The following TMEM132D variants were observed in gnomAD, a reference collection of about 807,000 sequenced individuals.
TMEM132D encodes the protein mature OL transmembrane protein.
TMEM132D carries 21 observed loss-of-function variants against 62.3 expected under a neutral mutation model. The observed-to-expected ratio is 0.34, with a 90% CI of 0.24 to 0.49. TMEM132D has a LOEUF of 0.49. Among genes scored for constraint, TMEM132D ranks in the 20% least tolerant of loss-of-function variants. The pLI is 0.99. For synonymous variants in TMEM132D, 621 were observed against 575.6 expected, an observed-to-expected ratio of 1.08 and a Z score of -1.13; for missense variants, 1,346 against 1,402.8, an observed-to-expected ratio of 0.96 and a Z score of 0.65.
At chr12:129,168,091 T>G (rs7301151) in intron 5 of TMEM132D, among the ~76,000 whole-genome samples, 1 of 151,960 alleles carries the variant, frequency 6.6e-6, no homozygotes, top group African/African-American at 2.4e-5. Context: ...TCAGAGTTAA[T>G]AGAAGGAACA....
chr12:129,888,781 G>T (rs1349593943), intron 1 of TMEM132D, among the ~76,000 whole-genome samples: 2 of 152,116 alleles, frequency 1.3e-5, no homozygotes, highest in Admixed American at 1.3e-4. Context: ...CTTCTCTTTG[G>T]TAACAGTGTC....
At chr12:129,770,859 G>A (rs956068286) in intron 1 of TMEM132D, among the ~76,000 whole-genome samples, 4 of 152,210 alleles carry the variant, frequency 2.6e-5, no homozygotes, top group African/African-American at 7.2e-5. Context: ...GGTCTCTACC[G>A]AATGTGTACT....
intron 3 of TMEM132D, among the ~76,000 whole-genome samples, chr12:129,514,410 G>C (rs911480059): frequency 1.3e-5 from 2 of 152,140 alleles, no homozygotes; most frequent in African/African-American, 4.8e-5. Context: ...TCTAACTGTA[G>C]TGTTCCTACT....
At chr12:129,302,188 C>T (rs1881732191) in intron 4 of TMEM132D, among the ~76,000 whole-genome samples, 1 of 152,210 alleles carries the variant, frequency 6.6e-6, no homozygotes, top group Non-Finnish European at 1.5e-5. Context: ...GATCTCGGCT[C>T]ACTGCAACCT....
intron 1 of TMEM132D, among the ~76,000 whole-genome samples, chr12:129,787,684 T>C (rs1167054723): frequency 6.6e-6 from 1 of 152,050 alleles, no homozygotes; most frequent in African/African-American, 2.4e-5. Context: ...TCATATCAGC[T>C]CCCTCCCAAA....
At chr12:129,602,023 T>C (rs1446817605) in intron 2 of TMEM132D, among the ~76,000 whole-genome samples, 1 of 152,184 alleles carries the variant, frequency 6.6e-6, no homozygotes, top group Non-Finnish European at 1.5e-5. Context: ...ACTTTCATTA[T>C]CACTTGTTTT....
chr12:129,537,096 G>C (rs1593056477), intron 2 of TMEM132D, among the ~76,000 whole-genome samples: 1 of 148,420 alleles, frequency 6.7e-6, no homozygotes, highest in East Asian at 2.0e-4. Flanking sequence ...GGAGGCAGAG[G>C]TTGCGGTGAG....
chr12:129,692,859 G>C (rs1024561418), intron 2 of TMEM132D, among the ~76,000 whole-genome samples: 8 of 152,000 alleles, frequency 5.3e-5, no homozygotes, highest in Admixed American at 6.6e-5. Flanking sequence ...GGAGGGCAGT[G>C]GGGGGAGAGC....
chr12:129,193,175 AAAAG>A (rs1237928949), intron 5 of TMEM132D, among the ~76,000 whole-genome samples: 3 of 150,828 alleles, frequency 2.0e-5, no homozygotes, highest in Non-Finnish European at 4.4e-5. Flanking sequence ...AAAAAAAAAA[AAAAG>A]ATACAACAGC....
intron 3 of TMEM132D, among the ~76,000 whole-genome samples, chr12:129,461,959 C>T (rs1056366422): frequency 3.9e-5 from 6 of 152,188 alleles, no homozygotes; most frequent in Admixed American, 2.6e-4. Flanking sequence ...GATTGAAAAT[C>T]GTAGGGGATA....
intron 4 of TMEM132D, among the ~76,000 whole-genome samples, chr12:129,311,907 G>A (rs80084680): frequency 6.6e-6 from 1 of 152,162 alleles, no homozygotes; most frequent in Non-Finnish European, 1.5e-5. Flanking sequence ...CAGGCTTGTG[G>A]GGACCAGGAA....
At chr12:129,361,913 G>T (rs980190806) in intron 3 of TMEM132D, among the ~76,000 whole-genome samples, 2 of 152,164 alleles carry the variant, frequency 1.3e-5, no homozygotes, top group African/African-American at 4.8e-5. Context: ...AAAAGCTCAA[G>T]ATAAGCCTTT....
At chr12:129,788,335 G>A (rs772226117) in intron 1 of TMEM132D, among the ~76,000 whole-genome samples, 2 of 152,182 alleles carry the variant, frequency 1.3e-5, no homozygotes, top group Non-Finnish European at 2.9e-5. Flanking sequence ...TAGAAGCTTT[G>A]TGAGGGTAGG....
intron 3 of TMEM132D, among the ~76,000 whole-genome samples, chr12:129,502,698 A>C (rs1593040657): frequency 6.6e-6 from 1 of 152,310 alleles, no homozygotes; most frequent in East Asian, 1.9e-4. Context: ...TAGAAAAAAG[A>C]AACAGAAAGA....
chr12:129,531,014 C>T (rs1876202716), intron 3 of TMEM132D, 45 bp downstream of exon 3: 1 of 1,444,410 alleles, frequency 6.9e-7, no homozygotes, highest in South Asian at 1.4e-5. Flanking sequence ...AATCAGGCCA[C>T]ATTTGCAGCT....
At chr12:129,422,081 C>A (rs1231912143) in intron 3 of TMEM132D, among the ~76,000 whole-genome samples, 2 of 131,734 alleles carry the variant, frequency 1.5e-5, no homozygotes, top group African/African-American at 2.9e-5. Context: ...TGCAATTAAA[C>A]CATACAGCAA....
intron 1 of TMEM132D, among the ~76,000 whole-genome samples, chr12:129,725,853 T>A (rs1260182332): frequency 1.3e-5 from 2 of 152,232 alleles, no homozygotes; most frequent in Admixed American, 1.3e-4. Context: ...ACCTGGCTGG[T>A]AAGTGGTTTT....
intron 1 of TMEM132D, among the ~76,000 whole-genome samples, chr12:129,778,114 CAAAAAAAAA>C (rs35384142): frequency 4.7e-5 from 4 of 85,364 alleles, no homozygotes; most frequent in Non-Finnish European, 8.6e-5. Context: ...GACCCTGTCT[CAAAAAAAAA>C]AAAAAAAAAA....
chr12:129,779,931 C>T lies in TMEM132D; in HGVS notation c.80-79233G>A, dbSNP rs1871067549. On this transcript the variant is annotated intron_variant, in intron 1 of 8. Coordinates refer to ENST00000422113, the MANE Select transcript of TMEM132D (RefSeq NM_133448.3). The surrounding 1 kb of genome is among the most constrained non-coding windows in gnomAD (Gnocchi z 4.1). ...GCTTTTACGCATTGACTCCAGAAAT[C>T]CTTACAACCATCCTCCGAGAAAGCA... Among the ~76,000 whole-genome samples the T allele has an allele frequency of 6.6e-6, 1 of 152,054 alleles. No individual in the cohort carries two copies. Among genetic ancestry groups the T allele is most frequent in the Admixed American group, 6.5e-5 (1 of 15,270 alleles).
Sources: allele counts gnomAD v4.1 joint callset (sites outside exome capture counted in the v4.1 genomes callset), GRCh38; gene constraint gnomAD v4.1.1; non-coding constraint Gnocchi (gnomAD v3.1); transcripts MANE v1.5; gene names NCBI Gene and HGNC (gene_info 2026-07-23, HGNC 2026-07-21).